The following SPATA31A6 variants were observed in gnomAD, a reference collection of about 807,000 sequenced individuals.
The protein encoded by SPATA31A6 is spermatogenesis-associated protein 31A6.
Under a neutral mutation model 11.9 loss-of-function variants are expected in SPATA31A6, and 9 were observed. The ratio of observed to expected loss-of-function variants is 0.76; its 90% confidence interval spans 0.46 to 1.32. The LOEUF is 1.32. Among genes scored for constraint, SPATA31A6 ranks in the 40% most tolerant of loss-of-function variants. The pLI, the probability that SPATA31A6 is intolerant of heterozygous loss-of-function variation, is 0.00. For missense variants in SPATA31A6, 855 were observed against 1,467.3 expected (o/e 0.58, Z 6.82); for synonymous variants, 314 against 572.1 (o/e 0.55, Z 6.44).
At position 42,189,408 on chromosome 9, in the gene SPATA31A6, C is replaced by G; in HGVS notation, c.3706C>G (p.Gln1236Glu). 3 of 1,565,124 alleles carry G rather than the reference C, an allele frequency of 1.9e-6. No individual in the cohort carries two copies. The highest frequency in any genetic ancestry group is 2.6e-6 in the Non-Finnish European group (3 of 1,157,804). The change falls in exon 4 of 4, where the codon CAA (glutamine) becomes GAA (glutamate). Residue 1236 changes from glutamine (Q) to glutamate (E), a missense_variant. Physicochemically the swap from Gln to Glu is conservative, Grantham distance 29 (BLOSUM62 2). Transcript: ENST00000332857. ...GGTAAATCAGCACAAACAGAAGTTT[C>G]AAGCCCCAGTCTGTGGGTTTCCCTG... ...SKVNQHKQKF[Q>E]APVCGFPCNH...
rs756758071 is a variant in SPATA31A6, at chr9:42,186,680, T to C, written c.978T>C (p.Asn326=). 14 of 1,531,396 alleles carry C rather than the reference T, an allele frequency of 9.1e-6. 3 individuals carry two copies. In the South Asian group the frequency reaches 1.0e-4, roughly 11 times the overall value. The allele number at this position is 1,531,396 out of a possible 1,614,324, so 94.9% of individuals were successfully genotyped here. A position where few individuals can be genotyped will look rare whatever the true frequency, so the allele number is the denominator to read the frequency against. Residue 326 remains asparagine (N), a synonymous_variant, in exon 4 of 4, where the codon AAT becomes AAC. Transcript: ENST00000332857. The stretch of plus-strand genomic sequence containing the variant: ...TTTTGCTCAGCTCTGATGGCCAGAA[T>C]GTCGTGGGGATACAAGTCACAGAAA... ...SLFLLSSDGQ[N]VVGIQVTETA...
In SPATA31A6 at chr9:42,189,147, T is replaced by C. The variant is rs1412438364; in HGVS notation, c.3445T>C (p.Ser1149Pro). ...HQDEGVQLLP[S>P]KKQPPSVSHF... ...GGATGAAGGCGTCCAGCTACTGCCA[T>C]CAAAGAAACAGCCTCCTTCAGTAAG... Residue 1149 changes from serine (S) to proline (P), a missense_variant, in exon 4 of 4, where the codon TCA (serine) becomes CCA (proline). Transcript: ENST00000332857. 2 of 1,544,790 alleles carry C rather than the reference T, an allele frequency of 1.3e-6. No homozygotes were observed. Among genetic ancestry groups the C allele is most frequent in the Non-Finnish European group, 1.8e-6 (2 of 1,139,280 alleles).
intron 1 of SPATA31A6, 146 bp downstream of exon 1, chr9:42,184,022 GGGCAGCCAGGGGTT>G (rs1829396420): frequency 7.4e-7 from 1 of 1,350,644 alleles, no homozygotes; most frequent in African/African-American, 1.7e-5. Context: ...GGGAGAGGCA[GGGCAGCCAGGGGTT>G]GGTAGGGGTA....
chr9:42,183,952 T>A, intron 1 of SPATA31A6, 76 bp downstream of exon 1: 1 of 1,514,842 alleles, frequency 6.6e-7, no homozygotes, highest in Non-Finnish European at 8.9e-7. Context: ...CTTTTCCAAA[T>A]CCAGTGGAGA....
rs763914855 is a variant in SPATA31A6 at position 42,187,040 on chromosome 9, G to A, written c.1338G>A (p.Leu446=). 1.1e-5 allele frequency: 17 copies of A among 1,546,980 alleles called. 3 individuals carry two copies. Among genetic ancestry groups the A allele is most frequent in the Non-Finnish European group, 1.5e-5 (17 of 1,141,434 alleles). Residue 446 remains leucine, a synonymous_variant, in exon 4 of 4, where the codon TTG becomes TTA. Coordinates refer to ENST00000332857, the MANE Select transcript of SPATA31A6 (RefSeq NM_001145196.1). ...ATACTTTACAGTCTCCTCCTTTCTT[G>A]TTCAATGAAATGTCCAATGTCTGCC... is the stretch of plus-strand genomic sequence containing the variant. The part of the protein sequence containing the change: ...RSYTLQSPPF[L]FNEMSNVCPI...
In SPATA31A6 at chr9:42,185,051, C is replaced by T. The variant is rs749063934; in HGVS notation, c.190-18C>T. The T allele has an allele frequency of 8.9e-5, 137 of 1,536,802 alleles. 25 individuals are homozygous for T. The highest frequency in any genetic ancestry group is 1.2e-4 in the Non-Finnish European group (133 of 1,136,100). Reference sequence around the variant, plus strand: ...CTCTCCGCGTCATCTTGTCTCCGTACGTCATCATGTCTCCCAGTGTCCAGT... The same window carrying T: ...CTCTCCGCGTCATCTTGTCTCCGTATGTCATCATGTCTCCCAGTGTCCAGT... On this transcript the variant is annotated intron_variant, in intron 1 of 3. Coordinates refer to ENST00000332857, the MANE Select transcript of SPATA31A6 (RefSeq NM_001145196.1).
Position 42,183,739 on chromosome 9 carries a change from G to A in SPATA31A6, c.52G>A (p.Ala18Thr), listed in dbSNP as rs774601556. 26 of 1,534,158 alleles carry A rather than the reference G, an allele frequency of 1.7e-5. 5 individuals are homozygous for A. Among genetic ancestry groups the A allele is most frequent in the East Asian group, 4.8e-5 (2 of 41,680 alleles). ...ATTACTTAGTGCCTCATCGCTAAAC[G>A]CCCCCAGCTCCACACCATGGGTGTT... ...LKLLSASSLN[A>T]PSSTPWVLDI... Residue 18 changes from alanine to threonine, a missense_variant, in exon 1 of 4, where the codon GCC becomes ACC. By Grantham distance (58) the Ala-to-Thr change is moderately conservative (BLOSUM62 0). Coordinates refer to ENST00000332857, the MANE Select transcript of SPATA31A6 (RefSeq NM_001145196.1).
chr9:42,184,519 T>C (rs1829407470), intron 1 of SPATA31A6, among the ~76,000 whole-genome samples: 1 of 123,130 alleles, frequency 8.1e-6, no homozygotes, highest in Non-Finnish European at 1.6e-5. Context: ...TTATTTTATT[T>C]TATTTTATTT....
rs756928794 is a variant in SPATA31A6, at chr9:42,188,904, C to T, written c.3202C>T (p.Leu1068=). The T allele has an allele frequency of 3.9e-6, 6 of 1,539,684 alleles. No homozygotes were observed. In the East Asian group the frequency reaches 1.4e-4, roughly 37 times the overall value. The change falls in exon 4 of 4, where the codon CTA becomes TTA. Residue 1068 remains leucine (L), a synonymous_variant. Coordinates refer to ENST00000332857, the MANE Select transcript of SPATA31A6 (RefSeq NM_001145196.1). The part of the protein sequence containing the change: ...PTGNMRASQE[L]HDLMAARRSK... ...TGGGAACATGCGGGCTTCCCAGGAG[C>T]TACATGACCTCATGGCAGCCAGAAG...
In SPATA31A6 at chr9:42,187,445, G is replaced by A. The variant is rs1829481487; in HGVS notation, c.1743G>A (p.Leu581=). Residue 581 remains leucine (L), a synonymous_variant, in exon 4 of 4, where the codon CTG becomes CTA. Transcript: ENST00000332857. ...NLPQESLTSI[L]PENFPVSPEL... is the part of the protein sequence containing the mutation. ...CCCAGGAAAGTTTGACATCCATTCTGCCTGAGAACTTTCCAGTCAGTCCTG... is the reference window on the plus strand; with the variant it reads ...CCCAGGAAAGTTTGACATCCATTCTACCTGAGAACTTTCCAGTCAGTCCTG... 5 of 1,522,394 alleles carry A rather than the reference G, an allele frequency of 3.3e-6. 1 individual carries two copies. In the African/African-American group the frequency reaches 4.9e-5, roughly 15 times the overall value. 94.3% of individuals were successfully genotyped at this position (1,522,394 alleles called of 1,614,324 possible). A position where few individuals can be genotyped will look rare whatever the true frequency, so the allele number is the denominator to read the frequency against.
Position 42,189,376 on chromosome 9 carries a change from C to T in SPATA31A6, c.3674C>T (p.Ala1225Val). Residue 1225 changes from alanine (A) to valine (V), a missense_variant, in exon 4 of 4, where the codon GCC (alanine) becomes GTC (valine). Ala to Val is a moderately conservative substitution (Grantham distance 64). Coordinates refer to ENST00000332857, the MANE Select transcript of SPATA31A6 (RefSeq NM_001145196.1). ...KKMSLCHAHH[A>V]SKVNQHKQKF... ...ATGTCACTTTGCCATGCGCACCATG[C>T]CTCGAAGGTAAATCAGCACAAACAG... 4 of 1,541,218 alleles carry T rather than the reference C, an allele frequency of 2.6e-6. No individual in the cohort carries two copies. Among genetic ancestry groups the T allele is most frequent in the South Asian group, 1.2e-5 (1 of 85,870 alleles).
rs532639472 is a variant in SPATA31A6 at position 42,183,670 on chromosome 9, A to C, written c.-18A>C. 7.9e-6 allele frequency: 12 copies of C among 1,527,248 alleles called. No homozygotes were observed. The highest frequency in any genetic ancestry group is 2.4e-4 in the Middle Eastern group (1 of 4,234). The allele number at this position is 1,527,248 out of a possible 1,614,324, so 94.6% of individuals were successfully genotyped here. On this transcript the variant is annotated 5_prime_UTR_variant, in exon 1 of 4. Transcript: ENST00000332857. ...GATGCCCAGAGCTCAGTTGCTTGAA[A>C]GCAACGTGCCTATTCACATGGAGAA...
rs1829460130 is a variant in SPATA31A6 at position 42,186,727 on chromosome 9, A to C, written c.1025A>C (p.Glu342Ala). Residue 342 changes from glutamate (E) to alanine (A), a missense_variant, in exon 4 of 4, where the codon GAA becomes GCA. Transcript: ENST00000332857. The part of the protein sequence containing the change: ...VTETAKVNIW[E>A]EKENVGSFTN... ...GAAACAGCCAAGGTCAACATTTGGGAAGAAAAAGAAAATGTTGGATCATTT... is the reference window on the plus strand; with the variant it reads ...GAAACAGCCAAGGTCAACATTTGGGCAGAAAAAGAAAATGTTGGATCATTT... 1.3e-6 allele frequency: 2 copies of C among 1,530,060 alleles called. No individual in the cohort carries two copies. The allele number at this position is 1,530,060 out of a possible 1,614,324, so 94.8% of individuals were successfully genotyped here.
rs754857997 is a variant in SPATA31A6 at position 42,183,702 on chromosome 9, C to A, written c.15C>A (p.Pro5=). 3.9e-6 allele frequency: 6 copies of A among 1,535,110 alleles called. No homozygotes were observed. The highest frequency in any genetic ancestry group is 1.6e-5 in the African/African-American group (1 of 62,026). The change falls in exon 1 of 4, where the codon CCC becomes CCA. Residue 5 remains proline (P), a synonymous_variant. Coordinates refer to ENST00000332857, the MANE Select transcript of SPATA31A6 (RefSeq NM_001145196.1). The part of the protein sequence containing the change: MENL[P]FPLKLLSASS... ...TGCCTATTCACATGGAGAATCTTCC[C>A]TTTCCTTTAAAATTACTTAGTGCCT...
At position 42,187,185 on chromosome 9, in the gene SPATA31A6, G is replaced by A. The variant is rs771172469; in HGVS notation, c.1483G>A (p.Ala495Thr). The A allele has an allele frequency of 4.2e-5, 65 of 1,542,980 alleles. 12 individuals carry two copies. Among genetic ancestry groups the A allele is most frequent in the Non-Finnish European group, 4.8e-5 (55 of 1,138,062 alleles). ...FLPTPMAQAE[A>T]QAHLQSSFPV... ...GCCCACACCTATGGCTCAGGCCGAG[G>A]CTCAGGCCCATCTTCAGTCTTCTTT... The change falls in exon 4 of 4, where the codon GCT becomes ACT. Residue 495 changes from alanine (A) to threonine (T), a missense_variant. By Grantham distance (58) the Ala-to-Thr change is moderately conservative. Transcript: ENST00000332857.
Position 42,187,619 on chromosome 9 carries a change from G to T in SPATA31A6, c.1917G>T (p.Trp639Cys). The change falls in exon 4 of 4, where the codon TGG (tryptophan) becomes TGT (cysteine). Residue 639 changes from tryptophan to cysteine, a missense_variant. Transcript: ENST00000332857. Reference sequence around the variant, plus strand: ...AGGCCAAGGGCAAACCCAGTCCCTGGCAGTCCTCCACGTCCACAGGTGAAA... The same window carrying T: ...AGGCCAAGGGCAAACCCAGTCCCTGTCAGTCCTCCACGTCCACAGGTGAAA... ...TSQAKGKPSP[W>C]QSSTSTGESS... 8.1e-7 allele frequency: 1 copy of T among 1,235,646 alleles called. No individual in the cohort carries two copies. The highest frequency in any genetic ancestry group is 1.1e-6 in the Non-Finnish European group (1 of 900,628). 76.5% of individuals were successfully genotyped at this position (1,235,646 alleles called of 1,614,324 possible). A position where few individuals can be genotyped will look rare whatever the true frequency, so the allele number is the denominator to read the frequency against.
In SPATA31A6 at chr9:42,186,538, C is replaced by T. The variant is rs1376911713; in HGVS notation, c.836C>T (p.Ala279Val). ...GGTGGCTCAAACAGTCATGTTTCTG[C>T]CTCCTCCCGGTGGCAGGAGACTGCC... ...GLGGSNSHVS[A>V]SSRWQETART... The change falls in exon 4 of 4, where the codon GCC becomes GTC. Residue 279 changes from alanine to valine, a missense_variant. Transcript: ENST00000332857. The T allele has an allele frequency of 2.6e-6, 4 of 1,519,644 alleles. No individual in the cohort carries two copies. The highest frequency in any genetic ancestry group is 1.7e-5 in the African/African-American group (1 of 60,336). The allele number at this position is 1,519,644 out of a possible 1,614,324, so 94.1% of individuals were successfully genotyped here.
Position 42,186,903 on chromosome 9 carries a change from C to A in SPATA31A6, c.1201C>A (p.Pro401Thr), listed in dbSNP as rs772889818. The A allele has an allele frequency of 1.3e-5, 20 of 1,539,240 alleles. 6 individuals are homozygous for A. Among genetic ancestry groups the A allele is most frequent in the Admixed American group, 1.7e-5 (1 of 57,394 alleles). The change falls in exon 4 of 4, where the codon CCT (proline) becomes ACT (threonine). Residue 401 changes from proline (P) to threonine (T), a missense_variant. Pro to Thr is a conservative substitution (Grantham distance 38, BLOSUM62 -1). Transcript: ENST00000332857. ...QLPGPQKCSDPRLLQESFWKN... is the reference protein window; with the variant it reads ...QLPGPQKCSDTRLLQESFWKN... ...GCCCGGACCTCAGAAGTGCTCAGAT[C>A]CTAGGCTCTTGCAGGAAAGTTTTTG...
At position 42,186,453 on chromosome 9, in the gene SPATA31A6, C is replaced by A; in HGVS notation, c.751C>A (p.Pro251Thr). 6.7e-7 allele frequency: 1 copy of A among 1,493,690 alleles called. No individual in the cohort carries two copies. The highest frequency in any genetic ancestry group is 8.9e-7 in the Non-Finnish European group (1 of 1,118,564). 92.5% of individuals were successfully genotyped at this position (1,493,690 alleles called of 1,614,324 possible). ...DSVALPLGTVPQSLSPHEDLV... is the reference protein window; with the variant it reads ...DSVALPLGTVTQSLSPHEDLV... Reference sequence around the variant, plus strand: ...AGTGGCACTTCCACTGGGCACCGTCCCTCAAAGCTTGTCTCCACATGAGGA... The same window carrying A: ...AGTGGCACTTCCACTGGGCACCGTCACTCAAAGCTTGTCTCCACATGAGGA... The change falls in exon 4 of 4, where the codon CCT (proline) becomes ACT (threonine). Residue 251 changes from proline to threonine, a missense_variant. By Grantham distance (38) the Pro-to-Thr change is conservative. Coordinates refer to ENST00000332857, the MANE Select transcript of SPATA31A6 (RefSeq NM_001145196.1).
Sources: gnomAD v4.1 joint callset for allele counts (sites outside exome capture counted in the v4.1 genomes callset) on GRCh38, gnomAD v4.1.1 for gene constraint, MANE v1.5 for transcripts, NCBI Gene and HGNC (gene_info 2026-07-23, HGNC 2026-07-21) for gene names.